Variants in ABCA12 observed in about 807,000 individuals in gnomAD.
ABCA12 encodes glucosylceramide transporter ABCA12.
Under a neutral mutation model 293.5 loss-of-function variants are expected in ABCA12, and 156 were observed. That is an observed-to-expected ratio of 0.53 (90% CI 0.47 to 0.61). ABCA12 has a LOEUF of 0.61. Among genes scored for constraint, ABCA12 ranks in the 20% least tolerant of loss-of-function variants. The pLI is 0.00. For missense variants in ABCA12, 2,797 were observed against 3,090.2 expected (o/e 0.91, Z 2.25); for synonymous variants, 1,063 against 1,108.0 (o/e 0.96, Z 0.81).
chr2:215,120,430 A>G (rs35158249), intron 1 of ABCA12, among the ~76,000 whole-genome samples: 16,234 of 152,254 alleles, frequency 0.11, 1,249 homozygotes, highest in Admixed American at 0.19. Context: ...TGGAATGGAT[A>G]ATATGACATA....
chr2:215,027,486 T>C (rs2106024866), intron 9 of ABCA12, among the ~76,000 whole-genome samples: 1 of 152,356 alleles, frequency 6.6e-6, no homozygotes, highest in African/African-American at 2.4e-5. Flanking sequence ...TTTAATTGTT[T>C]TAATATGCCA....
chr2:214,978,149 T>G (rs1051883145), intron 33 of ABCA12, among the ~76,000 whole-genome samples, 167 bp downstream of exon 33: 1 of 152,220 alleles, frequency 6.6e-6, no homozygotes, highest in African/African-American at 2.4e-5. Context: ...CGATTTGGTT[T>G]AATGAATATT....
intron 42 of ABCA12, among the ~76,000 whole-genome samples, chr2:214,955,799 A>T (rs1698928928): frequency 6.6e-6 from 1 of 152,228 alleles, no homozygotes; most frequent in Non-Finnish European, 1.5e-5. Context: ...TTGACAAAAA[A>T]AATCCAAAGA....
chr2:215,075,844 C>G (rs1701823905), intron 2 of ABCA12: 1 of 398,366 alleles, frequency 2.5e-6, no homozygotes, highest in Non-Finnish European at 4.4e-6. Flanking sequence ...AAACTAAAAG[C>G]CAGTGAAATT....
At chr2:215,003,802 G>A (rs1293036202) in intron 20 of ABCA12, among the ~76,000 whole-genome samples, 1 of 151,864 alleles carries the variant, frequency 6.6e-6, no homozygotes, top group Admixed American at 6.6e-5. Context: ...CAAGCAGCTG[G>A]GATTACAGGC....
chr2:215,105,183 G>A (rs1364006998), intron 2 of ABCA12, among the ~76,000 whole-genome samples: 1 of 152,154 alleles, frequency 6.6e-6, no homozygotes, highest in Admixed American at 6.6e-5. Context: ...CAATAAGTGA[G>A]TCAAGACTGA....
At chr2:214,977,538 C>T (rs1699546078) in intron 33 of ABCA12, among the ~76,000 whole-genome samples, 1 of 152,164 alleles carries the variant, frequency 6.6e-6, no homozygotes, top group Non-Finnish European at 1.5e-5. Flanking sequence ...GAAATGACTA[C>T]TCCATGATTT....
At chr2:215,058,147 C>T (rs1168205607) in intron 3 of ABCA12, among the ~76,000 whole-genome samples, 3 of 151,948 alleles carry the variant, frequency 2.0e-5, no homozygotes, top group East Asian at 3.9e-4. Context: ...AAACATTTTT[C>T]CTTCAGCCTT....
At position 215,007,828 on chromosome 2, in the gene ABCA12, G is replaced by A; in HGVS notation, c.2491C>T (p.Gln831Ter). Reference sequence around the variant, plus strand: ...GATTTTTCTCTTAATTCCGCCAGCTGTCTCAGAGTTACATTGGACTTAATG... The same window carrying A: ...GATTTTTCTCTTAATTCCGCCAGCTATCTCAGAGTTACATTGGACTTAATG... ...IMEKSNVTLR[Q>*]LAELREKSQE... Residue 831 changes from glutamine (Q) to a stop codon, truncating the protein, a stop_gained, in exon 19 of 53, where the codon CAG becomes TAG. Transcript: ENST00000272895. LOFTEE classifies it high-confidence loss of function. 6.2e-7 allele frequency: 1 copy of A among 1,614,020 alleles called. No individual in the cohort carries two copies. The highest frequency in any genetic ancestry group is 8.5e-7 in the Non-Finnish European group (1 of 1,179,942).
chr2:215,000,618 TCATGTAATA>T (rs1416858302), intron 22 of ABCA12, 78 bp downstream of exon 22: 9 of 1,509,786 alleles, frequency 6.0e-6, no homozygotes, highest in Non-Finnish European at 8.2e-6. Flanking sequence ...GTTGTTCCTT[TCATGTAATA>T]CATCTGAATG....
At chr2:214,947,343 G>A in intron 48 of ABCA12, 79 bp downstream of exon 48, 2 of 1,589,028 alleles carry the variant, frequency 1.3e-6, no homozygotes, top group Non-Finnish European at 1.7e-6. Flanking sequence ...CTGCAATCAT[G>A]ATGATGAAAT....
At position 215,012,075 on chromosome 2, in the gene ABCA12, G is replaced by A. The variant is rs780115512; in HGVS notation, c.2017C>T (p.Leu673=). The stretch of plus-strand genomic sequence containing the variant: ...GCCATCTGATTGAGAATCTCTTTTA[G>A]TCTTATGAAGAGCTCCATCATCTTT... ...VEKMMELFIR[L]KEILNQMASG... Residue 673 remains leucine, a synonymous_variant, in exon 16 of 53, where the codon CTA becomes TTA. Coordinates refer to ENST00000272895, the MANE Select transcript of ABCA12 (RefSeq NM_173076.3). The A allele has an allele frequency of 1.9e-6, 3 of 1,613,794 alleles. No individual in the cohort carries two copies. The highest frequency in any genetic ancestry group is 1.1e-5 in the South Asian group (1 of 91,076).
intron 2 of ABCA12, among the ~76,000 whole-genome samples, chr2:215,069,198 A>G (rs1701689779): frequency 6.6e-6 from 1 of 152,130 alleles, no homozygotes; most frequent in Non-Finnish European, 1.5e-5. Flanking sequence ...TTTAAAAAAA[A>G]AAATATGGAG....
In ABCA12 at chr2:215,011,471, A is replaced by G; in HGVS notation, c.2300T>C (p.Ile767Thr). 1 of 1,613,890 alleles carries G rather than the reference A, an allele frequency of 6.2e-7. No individual in the cohort carries two copies. Among genetic ancestry groups the G allele is most frequent in the Non-Finnish European group, 8.5e-7 (1 of 1,179,814 alleles). ...FLTYKLTKEQ[I>T]ASKYGIPINS... is the part of the protein sequence containing the mutation. ...TATGGGAATTCCATATTTTGAAGCA[A>G]TTTGCTCTTTAGTTAATTTATAAGT... Residue 767 changes from isoleucine (I) to threonine (T), a missense_variant, in exon 17 of 53, where the codon ATT (isoleucine) becomes ACT (threonine). This residue lies in a region of ABCA12 where 2,130 missense variants were observed against 2,427.0 expected (regional missense o/e 0.88). Coordinates refer to ENST00000272895, the MANE Select transcript of ABCA12 (RefSeq NM_173076.3).
At chr2:215,002,611 C>A (rs1208932038) in intron 20 of ABCA12, among the ~76,000 whole-genome samples, 1 of 152,160 alleles carries the variant, frequency 6.6e-6, no homozygotes, top group Non-Finnish European at 1.5e-5. Context: ...AAGACAACTT[C>A]TTAAATGCAT....
At chr2:215,113,440 T>C (rs1575052845) in intron 1 of ABCA12, among the ~76,000 whole-genome samples, 2 of 152,166 alleles carry the variant, frequency 1.3e-5, no homozygotes, top group East Asian at 3.8e-4. Flanking sequence ...TCCAGATCAG[T>C]TTGGGATCTT....
intron 2 of ABCA12, among the ~76,000 whole-genome samples, chr2:215,085,214 A>G (rs1471995993): frequency 6.6e-6 from 1 of 152,144 alleles, no homozygotes. Context: ...CCCAATTCTC[A>G]GTAACAATGA....
Position 214,990,777 on chromosome 2 carries a change from G to A in ABCA12, c.3549C>T (p.Tyr1183=). 6.2e-7 allele frequency: 1 copy of A among 1,614,134 alleles called. No individual in the cohort carries two copies. Among genetic ancestry groups the A allele is most frequent in the Non-Finnish European group, 8.5e-7 (1 of 1,180,004 alleles). Residue 1183 remains tyrosine (Y), a synonymous_variant, in exon 24 of 53, where the codon TAC becomes TAT. Transcript: ENST00000272895. ...NIAALIGSLI[Y]IIAFFPFIVL... is the part of the protein sequence containing the mutation. ...CAATAAATGGAAAGAAGGCAATGAT[G>A]TAGATGAGGCTTCCGATCAGAGCTG...
chr2:215,127,891 G>C (rs1702961928), intron 1 of ABCA12, among the ~76,000 whole-genome samples: 1 of 152,036 alleles, frequency 6.6e-6, no homozygotes, highest in African/African-American at 2.4e-5. Flanking sequence ...TGTTTTATAG[G>C]TCCTGTGTGA....
Sources: gnomAD v4.1 joint callset for allele counts (sites outside exome capture counted in the v4.1 genomes callset) on GRCh38, gnomAD v4.1.1 for gene constraint, gnomAD v4.1.1 regional missense constraint, MANE v1.5 for transcripts, NCBI Gene and HGNC (gene_info 2026-07-23, HGNC 2026-07-21) for gene names.